RNF144B: variants seen among roughly 807,000 people sequenced by gnomAD.
RNF144B encodes the protein ring finger protein 144B, also known as E3 ubiquitin-protein ligase RNF144B.
A neutral mutation model predicts 40.2 loss-of-function variants in RNF144B; 25 were observed. The observed-to-expected ratio is 0.62, with a 90% confidence interval of 0.45 to 0.87. RNF144B has a LOEUF of 0.87. Ranked by LOEUF, RNF144B falls within the 40% of genes least tolerant of loss-of-function variation. The probability of loss-of-function intolerance (pLI) is 0.00; values close to 1 mark genes in which losing one functional copy is unlikely to be tolerated. For missense variants in RNF144B, 365 were observed against 373.7 expected, an observed-to-expected ratio of 0.98 and a Z score of 0.19; for synonymous variants, 145 against 136.3, an observed-to-expected ratio of 1.06 and a Z score of -0.44.
Position 18,425,911 on chromosome 6 carries a change from C to T in RNF144B, c.166-1670C>T, listed in dbSNP as rs958387814. 6.6e-6 allele frequency among the ~76,000 whole-genome samples: 1 copy of T among 152,098 alleles called. No individual in the cohort carries two copies. The highest frequency in any genetic ancestry group is 2.4e-5 in the African/African-American group (1 of 41,420). On this transcript the variant is annotated intron_variant, in intron 2 of 7. Coordinates refer to ENST00000259939, the MANE Select transcript of RNF144B (RefSeq NM_182757.4). This position sits in a 1 kb window ranked among gnomAD's most constrained non-coding sequence, Gnocchi z 4.2. ...AAAATTAACTCCTTGGAGAAAAAAA[C>T]TGTTAACTATTTGAAGAGATACAAG...
rs534009011 is a variant in RNF144B at position 18,424,183 on chromosome 6, T to C, written c.166-3398T>C. Among the ~76,000 whole-genome samples the C allele has an allele frequency of 3.9e-5, 6 of 152,322 alleles. No individual in the cohort carries two copies. The East Asian group carries it at 1.2e-3, about 29-fold the overall frequency. The stretch of plus-strand genomic sequence containing the variant: ...TGGGATTCATGTGAACGTTTTCACT[T>C]ATTTTGCACTTTTTAGCCAGAGATA... On this transcript the variant is annotated intron_variant, in intron 2 of 7. Coordinates refer to ENST00000259939, the MANE Select transcript of RNF144B (RefSeq NM_182757.4).
rs767005964 is a variant in RNF144B at position 18,444,520 on chromosome 6, C to T, written c.331+4776C>T. On this transcript the variant is annotated intron_variant, in intron 4 of 7. Coordinates refer to ENST00000259939, the MANE Select transcript of RNF144B (RefSeq NM_182757.4). The surrounding 1 kb of genome is among the most constrained non-coding windows in gnomAD (Gnocchi z 4.3). ...CATCTTGAGTTCTTACGCACTTTTC[C>T]TTTTTTTGTGACCCTGTTTGACTTT... 2.0e-5 allele frequency among the ~76,000 whole-genome samples: 3 copies of T among 151,834 alleles called. No individual in the cohort carries two copies. Among genetic ancestry groups the T allele is most frequent in the Non-Finnish European group, 4.4e-5 (3 of 67,950 alleles).
At chr6:18,454,669 T>C (rs1759287574) in intron 4 of RNF144B, among the ~76,000 whole-genome samples, 4 of 152,206 alleles carry the variant, frequency 2.6e-5, no homozygotes, top group African/African-American at 9.7e-5. Context: ...GTGCCATAGC[T>C]GCACTGCGCC....
At chr6:18,397,444 GATTTTGCTTTTGTTTAACCAGAACATGAA>G (rs1794715945) in intron 1 of RNF144B, among the ~76,000 whole-genome samples, 1 of 152,102 alleles carries the variant, frequency 6.6e-6, no homozygotes, top group African/African-American at 2.4e-5. Flanking sequence ...AGAACTATAG[GATTTTGCTTTTGTTTAACCAGAACATGAA>G]ATTTCCAGAT....
In RNF144B at chr6:18,410,971, C is replaced by CT. The variant is rs892593984; in HGVS notation, c.165+11281dup. ...TTTGGGATACTGTCAGCTTTCTTTT[C>CT]TTTTTTTTTCTTCTTTTCTTTTCTT... On this transcript the variant is annotated intron_variant, in intron 2 of 7. Transcript: ENST00000259939. The surrounding 1 kb of genome is among the most constrained non-coding windows in gnomAD (Gnocchi z 4.6). Among the ~76,000 whole-genome samples, 148 of 146,226 alleles carry CT rather than the reference C, an allele frequency of 1.0e-3. No individual in the cohort carries two copies. Among genetic ancestry groups the CT allele is most frequent in the Non-Finnish European group, 5.4e-4 (36 of 66,904 alleles).
rs566816575 is a variant in RNF144B, at chr6:18,450,134, G to T, written c.332-7021G>T. Among the ~76,000 whole-genome samples the T allele has an allele frequency of 6.6e-6, 1 of 152,130 alleles. No homozygotes were observed. Among genetic ancestry groups the T allele is most frequent in the Non-Finnish European group, 1.5e-5 (1 of 68,028 alleles). Reference sequence around the variant, plus strand: ...TTTTGGTTTCTCCTCTTTTTGTGCTGTGCAAATTCTGCACTTTCCCAGACT... The same window carrying T: ...TTTTGGTTTCTCCTCTTTTTGTGCTTTGCAAATTCTGCACTTTCCCAGACT... On this transcript the variant is annotated intron_variant, in intron 4 of 7. Coordinates refer to ENST00000259939, the MANE Select transcript of RNF144B (RefSeq NM_182757.4). The surrounding 1 kb of genome is among the most constrained non-coding windows in gnomAD (Gnocchi z 4.7).
rs1037364909 is a variant in RNF144B, at chr6:18,466,581, T to C, written c.*1514T>C. ...AGGATTATATAATTGCTATTGGCAA[T>C]GTAGCCTGGTGCTTCATGAGACCTA... On this transcript the variant is annotated 3_prime_UTR_variant, in exon 8 of 8. Coordinates refer to ENST00000259939, the MANE Select transcript of RNF144B (RefSeq NM_182757.4). 1 of 152,664 alleles carries C rather than the reference T, an allele frequency of 6.6e-6. No individual in the cohort carries two copies. Among genetic ancestry groups the C allele is most frequent in the Non-Finnish European group, 1.5e-5 (1 of 68,036 alleles). The allele number at this position is 152,664 out of a possible 1,614,324, so 9.5% of individuals were successfully genotyped here. A position where few individuals can be genotyped will look rare whatever the true frequency, so the allele number is the denominator to read the frequency against.
intron 4 of RNF144B, among the ~76,000 whole-genome samples, chr6:18,445,496 T>A (rs1759062245): frequency 6.6e-6 from 1 of 152,208 alleles, no homozygotes; most frequent in Non-Finnish European, 1.5e-5. Flanking sequence ...TACATGAACA[T>A]GCAGAGTCTC....
At chr6:18,440,931 T>C (rs967874109) in intron 4 of RNF144B, among the ~76,000 whole-genome samples, 5 of 151,406 alleles carry the variant, frequency 3.3e-5, no homozygotes, top group Non-Finnish European at 7.4e-5. Context: ...GAATTCCAAA[T>C]GGTGGGTACG....
At chr6:18,429,720 CTTGGGTAT>C (rs1395757516) in intron 3 of RNF144B, among the ~76,000 whole-genome samples, 1 of 152,072 alleles carries the variant, frequency 6.6e-6, no homozygotes, top group African/African-American at 2.4e-5. Context: ...TAAAATGAGT[CTTGGGTAT>C]TTGGGTGTAT....
rs1795008795 is a variant in RNF144B, at chr6:18,410,356, T to A, written c.165+10657T>A. Among the ~76,000 whole-genome samples the A allele has an allele frequency of 6.6e-6, 1 of 152,168 alleles. No homozygotes were observed. The highest frequency in any genetic ancestry group is 6.5e-5 in the Admixed American group (1 of 15,274). On this transcript the variant is annotated intron_variant, in intron 2 of 7. Transcript: ENST00000259939. The surrounding 1 kb of genome is among the most constrained non-coding windows in gnomAD (Gnocchi z 4.6). The stretch of plus-strand genomic sequence containing the variant: ...AGACACAACCAGCCCTGCTGTTATG[T>A]GGGCAGTAGACCCTCTGATAAAGGA...
At chr6:18,390,159 C>G (rs1794552048) in intron 1 of RNF144B, among the ~76,000 whole-genome samples, 2 of 152,190 alleles carry the variant, frequency 1.3e-5, no homozygotes, top group African/African-American at 4.8e-5. Context: ...ATAAAAAGTA[C>G]TTCGATGTTT....
intron 2 of RNF144B, among the ~76,000 whole-genome samples, chr6:18,401,391 T>C (rs996750699): frequency 6.6e-6 from 1 of 152,212 alleles, no homozygotes; most frequent in Non-Finnish European, 1.5e-5. Context: ...CACTTCCTCA[T>C]TGTTAGGGAG....
rs909655577 is a variant in RNF144B at position 18,457,931 on chromosome 6, T to G, written c.536+572T>G. On this transcript the variant is annotated intron_variant, in intron 5 of 7. Coordinates refer to ENST00000259939, the MANE Select transcript of RNF144B (RefSeq NM_182757.4). This position sits in a 1 kb window ranked among gnomAD's most constrained non-coding sequence, Gnocchi z 5.1. ...ATCTGTACCTTTTTAGTACAGCGGGTTTTTTTTTGTTTTGTTTTGTTTTTG... is the reference window on the plus strand; with the variant it reads ...ATCTGTACCTTTTTAGTACAGCGGGGTTTTTTTTGTTTTGTTTTGTTTTTG... 1.1e-4 allele frequency among the ~76,000 whole-genome samples: 15 copies of G among 140,572 alleles called. No individual in the cohort carries two copies. The highest frequency in any genetic ancestry group is 1.7e-4 in the Non-Finnish European group (11 of 65,950). The allele number at this position is 140,572 out of a possible 152,430, so 92.2% of individuals were successfully genotyped here. A position where few individuals can be genotyped will look rare whatever the true frequency, so the allele number is the denominator to read the frequency against.
intron 1 of RNF144B, among the ~76,000 whole-genome samples, chr6:18,388,430 C>T (rs1794512808): frequency 2.0e-5 from 3 of 151,996 alleles, no homozygotes; most frequent in Admixed American, 2.0e-4. Context: ...GTGTCTGTGC[C>T]CAGAAGCAAA....
At chr6:18,436,134 G>A (rs961315511) in intron 3 of RNF144B, among the ~76,000 whole-genome samples, 2 of 151,650 alleles carry the variant, frequency 1.3e-5, no homozygotes, top group Admixed American at 6.6e-5. Flanking sequence ...CCAAGGACAC[G>A]TCTGTGATAT....
rs1267715204 is a variant in RNF144B, at chr6:18,457,318, C to G, written c.495C>G (p.Ser165=). ...AGGATGCTTGGCATGCAGAGGTCTC[C>G]TGTAGAGACAGTCAGCCTATTGTCC... ...CCKDAWHAEV[S]CRDSQPIVLP... is the part of the protein sequence containing the mutation. Residue 165 remains serine, a synonymous_variant, in exon 5 of 8, where the codon TCC becomes TCG. Transcript: ENST00000259939. This position sits in a 1 kb window ranked among gnomAD's most constrained non-coding sequence, Gnocchi z 5.1. 1 of 1,614,014 alleles carries G rather than the reference C, an allele frequency of 6.2e-7. No homozygotes were observed. Among genetic ancestry groups the G allele is most frequent in the African/African-American group, 1.3e-5 (1 of 74,912 alleles).
Position 18,387,536 on chromosome 6 carries a change from G to A in RNF144B, c.-131G>A. 7.6e-7 allele frequency: 1 copy of A among 1,316,824 alleles called. No individual in the cohort carries two copies. Among genetic ancestry groups the A allele is most frequent in the Non-Finnish European group, 1.0e-6 (1 of 1,004,966 alleles). 81.6% of individuals were successfully genotyped at this position (1,316,824 alleles called of 1,614,324 possible). ...GAGGAAAGACGGAGAGAATGGAAGAGCTCCTGTCCGGTGTGCCAGCAGCCC... is the reference window on the plus strand; with the variant it reads ...GAGGAAAGACGGAGAGAATGGAAGAACTCCTGTCCGGTGTGCCAGCAGCCC... On this transcript the variant is annotated 5_prime_UTR_variant, in exon 1 of 8. Coordinates refer to ENST00000259939, the MANE Select transcript of RNF144B (RefSeq NM_182757.4).
intron 2 of RNF144B, among the ~76,000 whole-genome samples, chr6:18,415,560 G>C (rs986210185): frequency 1.1e-4 from 17 of 152,104 alleles, no homozygotes; most frequent in African/African-American, 3.6e-4. Context: ...ACCTCCCGTG[G>C]GGGTTCAGTT....
Sources: gnomAD v4.1 joint callset for allele counts (sites outside exome capture counted in the v4.1 genomes callset) on GRCh38, gnomAD v4.1.1 for gene constraint, Gnocchi (gnomAD v3.1) non-coding constraint, MANE v1.5 for transcripts, NCBI Gene and HGNC (gene_info 2026-07-23, HGNC 2026-07-21) for gene names.